The following NYNRIN variants were observed in gnomAD, a reference collection of about 807,000 sequenced individuals.
NYNRIN encodes the protein protein NYNRIN.
In NYNRIN, 86 loss-of-function variants were observed where a neutral mutation model predicts 146.6. The ratio of observed to expected loss-of-function variants is 0.59; its 90% CI spans 0.49 to 0.70. The LOEUF (loss-of-function observed/expected upper bound fraction) is 0.70. Among genes scored for constraint, NYNRIN ranks in the 30% least tolerant of loss-of-function variants. The probability of loss-of-function intolerance (pLI) is 0.00; values close to 1 mark genes in which losing one functional copy is unlikely to be tolerated. For synonymous variants in NYNRIN, 1,027 were observed against 1,001.3 expected (o/e 1.03, Z -0.48); for missense variants, 2,191 against 2,377.7 (o/e 0.92, Z 1.63).
At position 24,408,311 on chromosome 14, in the gene NYNRIN, C is replaced by T; in HGVS notation, c.641C>T (p.Ser214Phe). The T allele has an allele frequency of 6.2e-7, 1 of 1,613,464 alleles. No homozygotes were observed. The highest frequency in any genetic ancestry group is 8.5e-7 in the Non-Finnish European group (1 of 1,179,888). The change falls in exon 3 of 9, where the codon TCC (serine) becomes TTC (phenylalanine). Residue 214 changes from serine (S) to phenylalanine (F), a missense_variant. Around this residue, in one of 3 missense-constraint regions of NYNRIN, gnomAD observed 895 missense variants for 941.2 expected, o/e 0.95. Coordinates refer to ENST00000382554, the MANE Select transcript of NYNRIN (RefSeq NM_025081.3). Reference protein sequence around the residue: ...EWLSRFGISDSHSDPEVLICP... With the variant: ...EWLSRFGISDFHSDPEVLICP... ...CTCAGCCGCTTCGGCATCTCTGACT[C>T]CCACTCCGATCCGGAGGTTCTAATC...
Position 24,407,869 on chromosome 14 carries a change from G to C in NYNRIN, c.199G>C (p.Glu67Gln). The C allele has an allele frequency of 6.3e-7, 1 of 1,598,896 alleles. No individual in the cohort carries two copies. Among genetic ancestry groups the C allele is most frequent in the Non-Finnish European group, 8.5e-7 (1 of 1,171,430 alleles). Residue 67 changes from glutamate to glutamine, a missense_variant and splice_region_variant, in exon 3 of 9, where the codon GAA (glutamate) becomes CAA (glutamine). Glu to Gln is a conservative substitution (Grantham distance 29, BLOSUM62 2). This residue lies in a region of NYNRIN where 895 missense variants were observed against 941.2 expected (regional missense o/e 0.95). Transcript: ENST00000382554. ...ATTGTGTTCTCCCCATTGTGCCCAG[G>C]AATACCTGAAGGGCCTGTGCAGCCC... ...GPRENMGKAK[E>Q]YLKGLCSPEL...
intron 1 of NYNRIN, 44 bp downstream of exon 1, chr14:24,399,130 G>T: frequency 1.0e-6 from 1 of 958,974 alleles, no homozygotes; most frequent in Non-Finnish European, 1.5e-6. Flanking sequence ...CGGGGGGCGC[G>T]CCGCGGGGAG....
chr14:24,417,525 T>C lies in NYNRIN; in HGVS notation c.*79T>C. Reference sequence around the variant, plus strand: ...GCCTCCCCCTGTCCCAGCAGTGCTCTCAGTCCACTGGGGGCCCTCAGTTGT... The same window carrying C: ...GCCTCCCCCTGTCCCAGCAGTGCTCCCAGTCCACTGGGGGCCCTCAGTTGT... On this transcript the variant is annotated 3_prime_UTR_variant, in exon 9 of 9. Coordinates refer to ENST00000382554, the MANE Select transcript of NYNRIN (RefSeq NM_025081.3). 3 of 1,414,852 alleles carry C rather than the reference T, an allele frequency of 2.1e-6. No individual in the cohort carries two copies. The highest frequency in any genetic ancestry group is 2.8e-6 in the Non-Finnish European group (3 of 1,089,014). 87.6% of individuals were successfully genotyped at this position (1,414,852 alleles called of 1,614,324 possible).
Position 24,415,913 on chromosome 14 carries a change from C to A in NYNRIN, c.4164C>A (p.Leu1388=). Reference sequence around the variant, plus strand: ...GGATCTTCAGCCTCCTGTGGGAGCTCCTGCCCCTCTGGAGGGCTCGGGGCT... The same window carrying A: ...GGATCTTCAGCCTCCTGTGGGAGCTACTGCCCCTCTGGAGGGCTCGGGGCT... The part of the protein sequence containing the change: ...CNWIFSLLWE[L]LPLWRARGFL... Residue 1388 remains leucine, a synonymous_variant, in exon 9 of 9, where the codon CTC becomes CTA. Transcript: ENST00000382554. 1.2e-6 allele frequency: 2 copies of A among 1,614,004 alleles called. No homozygotes were observed. The highest frequency in any genetic ancestry group is 1.7e-5 in the Admixed American group (1 of 60,034).
rs199693660 is a variant in NYNRIN, at chr14:24,414,787, C to T, written c.3038C>T (p.Ala1013Val). 1.5e-5 allele frequency: 25 copies of T among 1,613,726 alleles called. No individual in the cohort carries two copies. The East Asian group carries it at 4.5e-4, about 29-fold the overall frequency. The change falls in exon 9 of 9, where the codon GCG becomes GTG. Residue 1013 changes from alanine to valine, a missense_variant. This residue lies in a region of NYNRIN where 1,291 missense variants were observed against 1,417.0 expected (regional missense o/e 0.91). Coordinates refer to ENST00000382554, the MANE Select transcript of NYNRIN (RefSeq NM_025081.3). ...EQRQGQGTQK[A>V]AEEDDLDSSL... Reference sequence around the variant, plus strand: ...AGACAGGGGCAGGGCACACAGAAGGCGGCTGAGGAGGACGACCTTGACTCT... The same window carrying T: ...AGACAGGGGCAGGGCACACAGAAGGTGGCTGAGGAGGACGACCTTGACTCT...
chr14:24,399,788 A>G (rs2042829674), intron 2 of NYNRIN, among the ~76,000 whole-genome samples: 1 of 151,846 alleles, frequency 6.6e-6, no homozygotes, highest in Admixed American at 6.6e-5. Flanking sequence ...CCATCTGGGG[A>G]GCAACTCAAG....
In NYNRIN at chr14:24,408,747, C is replaced by T. The variant is rs772650230; in HGVS notation, c.953C>T (p.Ala318Val). ...SSQDSTNHTQ[A>V]LLKQRQVQKI... is the part of the protein sequence containing the mutation. ...CAGGACTCCACGAACCACACACAAGCCTTGTTGAAGCAAAGGCAGGTCCAG... is the reference window on the plus strand; with the variant it reads ...CAGGACTCCACGAACCACACACAAGTCTTGTTGAAGCAAAGGCAGGTCCAG... The change falls in exon 4 of 9, where the codon GCC (alanine) becomes GTC (valine). Residue 318 changes from alanine to valine, a missense_variant. This residue lies in a region of NYNRIN where 895 missense variants were observed against 941.2 expected (regional missense o/e 0.95). Transcript: ENST00000382554. 1.2e-6 allele frequency: 2 copies of T among 1,613,980 alleles called. No homozygotes were observed. The highest frequency in any genetic ancestry group is 3.3e-5 in the Admixed American group (2 of 60,016).
rs2042914853 is a variant in NYNRIN, at chr14:24,411,835, G to A, written c.2642+385G>A. ...TTCCTCCCTCGGAGCCCCGGCACTG[G>A]TGGAGGTCTGTGCATGGCTGATGTG... On this transcript the variant is annotated intron_variant, in intron 6 of 8. Transcript: ENST00000382554. This position sits in a 1 kb window ranked among gnomAD's most constrained non-coding sequence, Gnocchi z 4.3. 1.3e-5 allele frequency among the ~76,000 whole-genome samples: 2 copies of A among 152,202 alleles called. No homozygotes were observed.
chr14:24,415,547 CA>C lies in NYNRIN; in HGVS notation c.3800del (p.Lys1267ArgfsTer173). The C allele has an allele frequency of 6.2e-7, 1 of 1,613,820 alleles. No homozygotes were observed. Among genetic ancestry groups the C allele is most frequent in the Non-Finnish European group, 8.5e-7 (1 of 1,179,788 alleles). On this transcript the variant is annotated frameshift_variant, in exon 9 of 9. Coordinates refer to ENST00000382554, the MANE Select transcript of NYNRIN (RefSeq NM_025081.3). LOFTEE classifies it high-confidence loss of function. ...GGTCCCTCTTGGTTCAGGACAAAGGCAAGAGGGCCCTGGAATTGGCCCTCCT... is the reference window on the plus strand; with the variant it reads ...GGTCCCTCTTGGTTCAGGACAAAGGCAGAGGGCCCTGGAATTGGCCCTCCT... ...RWSLLVQDKGKRALELALLQG... is the reference protein window; with the variant it reads ...RWSLLVQDKGXRALELALLQG...
rs537850468 is a variant in NYNRIN, at chr14:24,411,083, C to T, written c.2422C>T (p.Leu808=). 23 of 1,613,816 alleles carry T rather than the reference C, an allele frequency of 1.4e-5. No individual in the cohort carries two copies. In the South Asian group the frequency reaches 2.2e-4, roughly 15 times the overall value. The change falls in exon 5 of 9, where the codon CTG becomes TTG. Residue 808 remains leucine, a synonymous_variant. Coordinates refer to ENST00000382554, the MANE Select transcript of NYNRIN (RefSeq NM_025081.3). This position sits in a 1 kb window ranked among gnomAD's most constrained non-coding sequence, Gnocchi z 4.3. ...TGTCCCACGACCCCACAGGCATGGC[C>T]TGCAGCACTTCTTCTCCTGCCGAGG... ...DGSSVAMVHG[L]QHFFSCRGIA...
At chr14:24,406,867 G>A (rs898276493) in intron 2 of NYNRIN, among the ~76,000 whole-genome samples, 1 of 152,222 alleles carries the variant, frequency 6.6e-6, no homozygotes, top group African/African-American at 2.4e-5. Flanking sequence ...CCCCAACCTC[G>A]CCCACCCCAG....
Position 24,408,428 on chromosome 14 carries a change from G to T in NYNRIN, c.758G>T (p.Arg253Met), listed in dbSNP as rs768828417. 4 of 1,613,380 alleles carry T rather than the reference G, an allele frequency of 2.5e-6. No homozygotes were observed. In the South Asian group the frequency reaches 4.4e-5, roughly 18 times the overall value. Residue 253 changes from arginine to methionine, a missense_variant, in exon 3 of 9, where the codon AGG (arginine) becomes ATG (methionine). Coordinates refer to ENST00000382554, the MANE Select transcript of NYNRIN (RefSeq NM_025081.3). ...GTGGACATGGGGACCCTCCAGAACA[G>T]GGGCCCAGAAAATTCAAAGAGATTA... ...PFVDMGTLQN[R>M]GPENSKRLSS...
Position 24,416,963 on chromosome 14 carries a change from G to C in NYNRIN, c.5214G>C (p.Ala1738=). The change falls in exon 9 of 9, where the codon GCG becomes GCC. Residue 1738 remains alanine (A), a synonymous_variant. Transcript: ENST00000382554. The part of the protein sequence containing the change: ...EFIFLHGKKW[A]ASLPLLHLAF... ...TCTTCCTGCATGGGAAGAAGTGGGC[G>C]GCCTCCCTGCCTTTGCTGCACCTGG... 1.3e-6 allele frequency: 2 copies of C among 1,584,830 alleles called. No individual in the cohort carries two copies. The highest frequency in any genetic ancestry group is 1.7e-6 in the Non-Finnish European group (2 of 1,163,856).
In NYNRIN at chr14:24,419,173, T is replaced by TC. The variant is rs1445995504; in HGVS notation, c.*1730dup. On this transcript the variant is annotated 3_prime_UTR_variant, in exon 9 of 9. Coordinates refer to ENST00000382554, the MANE Select transcript of NYNRIN (RefSeq NM_025081.3). ...TGTAATGGTATGTCCAGCCTCACTC[T>TC]CCCTCCCTGGTGCTGTATGCGTTCC... is the stretch of plus-strand genomic sequence containing the variant. 1 of 152,290 alleles carries TC rather than the reference T, an allele frequency of 6.6e-6. No homozygotes were observed. Among genetic ancestry groups the TC allele is most frequent in the Admixed American group, 6.5e-5 (1 of 15,278 alleles). The allele number at this position is 152,290 out of a possible 1,614,324, so 9.4% of individuals were successfully genotyped here. A position where few individuals can be genotyped will look rare whatever the true frequency, so the allele number is the denominator to read the frequency against.
chr14:24,409,748 ACAGTTTCCAAAGCACCTG>A lies in NYNRIN; in HGVS notation c.1958_1975del (p.Val653_Ala658del). 5.0e-6 allele frequency: 8 copies of A among 1,610,350 alleles called. No individual in the cohort carries two copies. Among genetic ancestry groups the A allele is most frequent in the Non-Finnish European group, 6.8e-6 (8 of 1,178,314 alleles). On this transcript the variant is annotated inframe_deletion, in exon 4 of 9. Transcript: ENST00000382554. ...CAAAGCTCAAGCCGGGCCTGCAGCT[ACAGTTTCCAAAGCACCTG>A]CAGCTTCCAAAGCACCTGCAGCTCC...
intron 4 of NYNRIN, 32 bp downstream of exon 4, chr14:24,410,240 G>A: frequency 6.6e-7 from 1 of 1,526,598 alleles, no homozygotes; most frequent in Non-Finnish European, 8.9e-7. Flanking sequence ...GTGGGCTGGG[G>A]ATGCTGTGGA....
chr14:24,399,616 C>T (rs1435794333), intron 2 of NYNRIN, among the ~76,000 whole-genome samples, 172 bp downstream of exon 2: 4 of 152,184 alleles, frequency 2.6e-5, no homozygotes, highest in African/African-American at 7.2e-5. Flanking sequence ...TCAGCCTGCG[C>T]TCCTTCCATG....
In NYNRIN at chr14:24,417,039, G is replaced by A; in HGVS notation, c.5290G>A (p.Gly1764Ser). 1 of 1,610,458 alleles carries A rather than the reference G, an allele frequency of 6.2e-7. No individual in the cohort carries two copies. The highest frequency in any genetic ancestry group is 8.5e-7 in the Non-Finnish European group (1 of 1,177,738). Residue 1764 changes from glycine (G) to serine (S), a missense_variant, in exon 9 of 9, where the codon GGT becomes AGT. Physicochemically the swap from Gly to Ser is moderately conservative, Grantham distance 56 (BLOSUM62 0). Coordinates refer to ENST00000382554, the MANE Select transcript of NYNRIN (RefSeq NM_025081.3). The part of the protein sequence containing the change: ...DATPFKVLTG[G>S]ESRLTEPLWW... ...CACACCGTTCAAGGTCCTGACCGGG[G>A]GTGAGTCAAGGCTCACGGAGCCCCT... is the stretch of plus-strand genomic sequence containing the variant.
rs1199920363 is a variant in NYNRIN, at chr14:24,416,798, C to T, written c.5049C>T (p.Pro1683=). The change falls in exon 9 of 9, where the codon CCC becomes CCT. Residue 1683 remains proline, a synonymous_variant. Coordinates refer to ENST00000382554, the MANE Select transcript of NYNRIN (RefSeq NM_025081.3). ...VPVRLEAAQG[P]QFARHVLVSC... ...TGAGGCTGGAGGCAGCCCAGGGGCC[C>T]CAGTTTGCCCGGCACGTCCTTGTGA... The T allele has an allele frequency of 6.2e-7, 1 of 1,612,462 alleles. No individual in the cohort carries two copies. Among genetic ancestry groups the T allele is most frequent in the Non-Finnish European group, 8.5e-7 (1 of 1,179,182 alleles).
Sources: allele counts gnomAD v4.1 joint callset (sites outside exome capture counted in the v4.1 genomes callset), GRCh38; gene constraint gnomAD v4.1.1; regional missense constraint gnomAD v4.1.1; non-coding constraint Gnocchi (gnomAD v3.1); transcripts MANE v1.5; gene names NCBI Gene and HGNC (gene_info 2026-07-23, HGNC 2026-07-21).